The following CSDE1 variants were observed in gnomAD, a reference collection of about 807,000 sequenced individuals.
CSDE1 encodes cold shock domain-containing protein E1.
Under a neutral mutation model 89.3 loss-of-function variants are expected in CSDE1, and 17 were observed. The ratio of observed to expected loss-of-function variants is 0.19; its 90% CI spans 0.13 to 0.29. The LOEUF (loss-of-function observed/expected upper bound fraction) is 0.29, where lower values mean the gene tolerates loss of function less well. CSDE1 is among the 10% of genes least tolerant of loss of function. The probability of loss-of-function intolerance (pLI) is 1.00; values close to 1 mark genes in which losing one functional copy is unlikely to be tolerated. For missense variants in CSDE1, 672 were observed against 984.2 expected, an observed-to-expected ratio of 0.68 and a Z score of 4.24; for synonymous variants, 322 against 332.8, an observed-to-expected ratio of 0.97 and a Z score of 0.35.
rs967074094 is a variant in CSDE1, at chr1:114,738,128, T to G, written c.200-56A>C. 6 of 1,297,330 alleles carry G rather than the reference T, an allele frequency of 4.6e-6. No homozygotes were observed. In the East Asian group the frequency reaches 1.4e-4, roughly 30 times the overall value. 80.4% of individuals were successfully genotyped at this position (1,297,330 alleles called of 1,614,324 possible). ...AACTGATTTTTGCGAAACGATATAT[T>G]GCTTCCAAGCTATACTTAACATAGC... On this transcript the variant is annotated intron_variant, in intron 3 of 19. Coordinates refer to ENST00000358528, the MANE Select transcript of CSDE1 (RefSeq NM_001007553.3).
chr1:114,743,282 C>T (rs1417418721), intron 2 of CSDE1, among the ~76,000 whole-genome samples: 1 of 152,054 alleles, frequency 6.6e-6, no homozygotes, highest in Non-Finnish European at 1.5e-5. Context: ...ACCTCTGCCT[C>T]CTGGGTTCAA....
At chr1:114,747,035 A>T (rs945196617) in intron 2 of CSDE1, among the ~76,000 whole-genome samples, 1 of 152,194 alleles carries the variant, frequency 6.6e-6, no homozygotes, top group African/African-American at 2.4e-5. Context: ...TATTGCATTC[A>T]GCAGAAAAAA....
At chr1:114,732,426 A>G (rs939222785) in intron 10 of CSDE1, among the ~76,000 whole-genome samples, 178 bp downstream of exon 10, 1 of 152,220 alleles carries the variant, frequency 6.6e-6, no homozygotes, top group African/African-American at 2.4e-5. Context: ...TATTTCCAAG[A>G]TAACTGCCAG....
intron 12 of CSDE1, 141 bp downstream of exon 12, chr1:114,730,112 CTTACT>C (rs1570911185): frequency 2.3e-6 from 2 of 882,408 alleles, no homozygotes; most frequent in African/African-American, 3.4e-5. Context: ...GTTAAGAAAC[CTTACT>C]TTGTTTAGTT....
At chr1:114,748,677 C>T (rs971165060) in intron 2 of CSDE1, among the ~76,000 whole-genome samples, 1 of 152,176 alleles carries the variant, frequency 6.6e-6, no homozygotes, top group African/African-American at 2.4e-5. Context: ...AATTGGTCCC[C>T]AAGTCCTCAC....
intron 2 of CSDE1, among the ~76,000 whole-genome samples, chr1:114,740,907 T>C (rs1466206243): frequency 6.6e-6 from 1 of 152,196 alleles, no homozygotes; most frequent in African/African-American, 2.4e-5. Context: ...TTGGGCATTA[T>C]TAATAAAAAG....
Position 114,736,745 on chromosome 1 carries a change from A to AT in CSDE1, c.500+12_500+13insA, listed in dbSNP as rs1660425891. 5 of 1,573,526 alleles carry AT rather than the reference A, an allele frequency of 3.2e-6. No individual in the cohort carries two copies. Among genetic ancestry groups the AT allele is most frequent in the Non-Finnish European group, 4.3e-6 (5 of 1,154,512 alleles). On this transcript the variant is annotated intron_variant, in intron 6 of 19. Transcript: ENST00000358528. ...ACCGCTTAGGTGAGAAAATTTAAAA[A>AT]AAAAGAACTTACTGTTTATTGTTAT... is the stretch of plus-strand genomic sequence containing the variant.
intron 2 of CSDE1, among the ~76,000 whole-genome samples, chr1:114,743,026 T>C (rs746472360): frequency 8.5e-5 from 13 of 152,344 alleles, no homozygotes; most frequent in East Asian, 5.8e-4. Flanking sequence ...TGTAAACATA[T>C]ACACATATCG....
At chr1:114,731,447 CTG>C (rs1397672193) in intron 10 of CSDE1, among the ~76,000 whole-genome samples, 1 of 149,376 alleles carries the variant, frequency 6.7e-6, no homozygotes, top group Non-Finnish European at 1.5e-5. Context: ...GTTAAATACA[CTG>C]TGTCAAATAC....
chr1:114,720,583 TG>T lies in CSDE1; in HGVS notation c.2007del (p.Asn669LysfsTer13). On this transcript the variant is annotated frameshift_variant, in exon 17 of 20. Transcript: ENST00000358528. LOFTEE classifies it high-confidence loss of function. Reference sequence around the variant, plus strand: ...ACTGTGGCCCTGCGCAGGGGTGTGATGTTGTAAGCCATAGTTTGTGCATTTT... The same window carrying T: ...ACTGTGGCCCTGCGCAGGGGTGTGATTTGTAAGCCATAGTTTGTGCATTTT... ...LGQNAQTMAYNITPLRRATVE... is the reference protein window; with the variant it reads ...LGQNAQTMAYXITPLRRATVE... 1 of 1,614,118 alleles carries T rather than the reference TG, an allele frequency of 6.2e-7. No homozygotes were observed. Among genetic ancestry groups the T allele is most frequent in the Non-Finnish European group, 8.5e-7 (1 of 1,180,006 alleles).
intron 2 of CSDE1, among the ~76,000 whole-genome samples, chr1:114,740,576 A>G (rs10858052): frequency 0.25 from 37,671 of 152,140 alleles, 4,999 homozygotes; most frequent in Middle Eastern, 0.28. Context: ...ATCTTTACCT[A>G]AAAGAAACCC....
At chr1:114,745,814 T>C (rs1249163892) in intron 2 of CSDE1, among the ~76,000 whole-genome samples, 1 of 152,240 alleles carries the variant, frequency 6.6e-6, no homozygotes, top group Non-Finnish European at 1.5e-5. Context: ...ACTTCATTTG[T>C]AACTCAAGAA....
intron 2 of CSDE1, among the ~76,000 whole-genome samples, chr1:114,742,236 T>C (rs1487666574): frequency 1.3e-5 from 2 of 152,206 alleles, no homozygotes; most frequent in Non-Finnish European, 2.9e-5. Context: ...CGTATTACCG[T>C]ATGCCCGATA....
chr1:114,733,398 C>A (rs1660209195), intron 9 of CSDE1, among the ~76,000 whole-genome samples: 1 of 151,912 alleles, frequency 6.6e-6, no homozygotes, highest in Non-Finnish European at 1.5e-5. Flanking sequence ...TGGTGGCATG[C>A]CCTTGTAGTC....
chr1:114,718,505 G>T, intron 19 of CSDE1, 108 bp downstream of exon 19: 1 of 1,417,362 alleles, frequency 7.1e-7, no homozygotes, highest in East Asian at 2.3e-5. Flanking sequence ...TAAGCAATAT[G>T]GAAGTCTCCC....
intron 18 of CSDE1, chr1:114,718,997 T>C (rs1659359274): frequency 4.5e-6 from 2 of 446,634 alleles, no homozygotes; most frequent in Non-Finnish European, 8.0e-6. Context: ...CAATCAAGAG[T>C]GACCAGTTCC....
chr1:114,725,171 T>A (rs776673279), intron 15 of CSDE1, 50 bp downstream of exon 15: 3 of 1,426,744 alleles, frequency 2.1e-6, no homozygotes, highest in South Asian at 2.3e-5. Context: ...ACTCCATCCT[T>A]TATCTCCCAC....
rs1298405574 is a variant in CSDE1 at position 114,734,106 on chromosome 1, G to A, written c.594C>T (p.Gly198=). Residue 198 remains glycine, a synonymous_variant, in exon 8 of 20, where the codon GGC becomes GGT. Transcript: ENST00000358528. ...TTACAACATCACCTCTTTCAATAAA[G>A]CCAAATGCCTCCTGAAGCAAAATAA... ...GVVCAMKEAF[G]FIERGDVVKE... is the part of the protein sequence containing the mutation. 1 of 1,609,090 alleles carries A rather than the reference G, an allele frequency of 6.2e-7. No homozygotes were observed. Among genetic ancestry groups the A allele is most frequent in the African/African-American group, 1.3e-5 (1 of 74,618 alleles).
chr1:114,742,408 C>T (rs569410531), intron 2 of CSDE1, among the ~76,000 whole-genome samples: 4 of 152,104 alleles, frequency 2.6e-5, no homozygotes, highest in Non-Finnish European at 4.4e-5. Context: ...ATGGTGAAAG[C>T]CTGTCTCTAC....
Sources: allele counts gnomAD v4.1 joint callset (sites outside exome capture counted in the v4.1 genomes callset), GRCh38; gene constraint gnomAD v4.1.1; transcripts MANE v1.5; gene names NCBI Gene and HGNC (gene_info 2026-07-23, HGNC 2026-07-21).